The following KYAT1 variants were observed in gnomAD, a reference collection of about 807,000 sequenced individuals.
KYAT1 encodes the protein kynurenine aminotransferase 1.
In KYAT1, 47 loss-of-function variants were observed where a neutral mutation model predicts 52.4. That is an observed-to-expected ratio of 0.90 (90% CI 0.71 to 1.14). The LOEUF (loss-of-function observed/expected upper bound fraction) is 1.14. Ranked by LOEUF, KYAT1 falls within the 50% of genes most tolerant of loss-of-function variation. The pLI is 0.00. For synonymous variants in KYAT1, 212 were observed against 209.6 expected (o/e 1.01, Z -0.10); for missense variants, 480 against 557.9 (o/e 0.86, Z 1.41).
rs979398154 is a variant in KYAT1, at chr9:128,847,117, C to T, written c.-6-1706G>A. Among the ~76,000 whole-genome samples, 7 of 152,274 alleles carry T rather than the reference C, an allele frequency of 4.6e-5. No homozygotes were observed. The South Asian group carries it at 1.0e-3, about 23-fold the overall frequency. ...GGGACCATTTGAGTAAGTGCCAGGT[C>T]TTCCATGGCCCAGGAACCCCACCGC... On this transcript the variant is annotated intron_variant, in intron 1 of 12. Coordinates refer to ENST00000302586, the MANE Select transcript of KYAT1 (RefSeq NM_004059.5).
At chr9:128,882,468 G>T (rs1425272856), upstream of KYAT1, 7 of 370,332 alleles carry the variant, frequency 1.9e-5, no homozygotes, top group Non-Finnish European at 3.4e-5. Context: ...TCCGCGGCGC[G>T]CGAGCCCCCT....
In KYAT1 at chr9:128,833,449, C is replaced by G; in HGVS notation, c.*135G>C. On this transcript the variant is annotated 3_prime_UTR_variant, in exon 13 of 13. Coordinates refer to ENST00000302586, the MANE Select transcript of KYAT1 (RefSeq NM_004059.5). ...AAGGGCGGCTCCCACCCAGAACATT[C>G]TGTGTCACGGAGAAGAGGTTTCCCA... The G allele has an allele frequency of 1.1e-6, 1 of 894,452 alleles. No individual in the cohort carries two copies. The highest frequency in any genetic ancestry group is 1.8e-6 in the Non-Finnish European group (1 of 565,574). 55.4% of individuals were successfully genotyped at this position (894,452 alleles called of 1,614,324 possible).
chr9:128,837,640 A>T, intron 6 of KYAT1, 45 bp downstream of exon 6: 1 of 1,611,334 alleles, frequency 6.2e-7, no homozygotes, highest in Non-Finnish European at 8.5e-7. Flanking sequence ...TGCAGGAGAC[A>T]TGACCAGGTC....
chr9:128,835,464 C>T lies in KYAT1; in HGVS notation c.1042+17G>A, dbSNP rs1466570557. On this transcript the variant is annotated intron_variant, in intron 10 of 12. Transcript: ENST00000302586. ...TCCAGCCCCTGCGCCCTGCCCAGAC[C>T]GGCAAGTCTCACTCACTGAAGTCTG... The T allele has an allele frequency of 8.7e-6, 14 of 1,613,764 alleles. No homozygotes were observed. The highest frequency in any genetic ancestry group is 4.5e-5 in the East Asian group (2 of 44,884).
At chr9:128,849,884 T>TTC (rs201852490) in intron 1 of KYAT1, among the ~76,000 whole-genome samples, 111 of 6,198 alleles carry the variant, frequency 0.018, no homozygotes, top group South Asian at 0.14. Flanking sequence ...TATTTTCTTC[T>TTC]TTTTTTTTTT....
At chr9:128,836,742 G>A (rs975666798) in intron 7 of KYAT1, 60 bp downstream of exon 7, 7 of 1,583,158 alleles carry the variant, frequency 4.4e-6, no homozygotes, top group Admixed American at 3.5e-5. Flanking sequence ...TGACTCTCAG[G>A]TGGGGTCAAG....
At chr9:128,879,688 CCTT>C (rs1838535436) in intron 1 of KYAT1, among the ~76,000 whole-genome samples, 1 of 152,218 alleles carries the variant, frequency 6.6e-6, no homozygotes, top group South Asian at 2.1e-4. Context: ...CATCATTTCT[CCTT>C]CTGGACATCC....
At chr9:128,843,248 G>A (rs1455691437) in intron 2 of KYAT1, among the ~76,000 whole-genome samples, 1 of 152,098 alleles carries the variant, frequency 6.6e-6, no homozygotes, top group African/African-American at 2.4e-5. Context: ...CAACTGTCCT[G>A]GCCTGAAGAT....
intron 3 of KYAT1, 114 bp from the exon 4 acceptor site, chr9:128,838,481 T>C: frequency 8.1e-7 from 1 of 1,235,900 alleles, no homozygotes; most frequent in Non-Finnish European, 1.2e-6. Flanking sequence ...CAAAGTCAGG[T>C]ACTGGTAGCC....
At chr9:128,842,612 C>CA (rs761152934) in intron 3 of KYAT1, 42 bp downstream of exon 3, 23 of 1,597,846 alleles carry the variant, frequency 1.4e-5, no homozygotes, top group Middle Eastern at 3.3e-4. Flanking sequence ...AGCCCTGTCC[C>CA]CTTCCTCCCC....
intron 1 of KYAT1, among the ~76,000 whole-genome samples, chr9:128,875,086 CTTTAGAACCACTTTCCTCA>C (rs1188980019): frequency 6.6e-6 from 1 of 152,012 alleles, no homozygotes; most frequent in Non-Finnish European, 1.5e-5. Context: ...TTATCTTTTT[CTTTAGAACCACTTTCCTCA>C]TTTATGTTGA....
Position 128,833,619 on chromosome 9 carries a change from C to T in KYAT1, c.1234G>A (p.Asp412Asn). ...VKDEATLQAM[D>N]EKLRKWKVEL Reference sequence around the variant, plus strand: ...ACCTTCCACTTCCGCAGCTTCTCGTCCATGGCCTGGAGCGTGGCTTCATCC... The same window carrying T: ...ACCTTCCACTTCCGCAGCTTCTCGTTCATGGCCTGGAGCGTGGCTTCATCC... The change falls in exon 13 of 13, where the codon GAC (aspartate) becomes AAC (asparagine). Residue 412 changes from aspartate (D) to asparagine (N), a missense_variant. Asp to Asn is a conservative substitution (Grantham distance 23, BLOSUM62 1). Transcript: ENST00000302586. The T allele has an allele frequency of 6.2e-7, 1 of 1,614,234 alleles. No homozygotes were observed. Among genetic ancestry groups the T allele is most frequent in the Non-Finnish European group, 8.5e-7 (1 of 1,180,038 alleles).
At chr9:128,877,720 C>G in intron 1 of KYAT1, among the ~76,000 whole-genome samples, 1 of 152,268 alleles carries the variant, frequency 6.6e-6, no homozygotes, top group East Asian at 1.9e-4. Flanking sequence ...TTATGACATT[C>G]GGTTTTGGAG....
chr9:128,842,574 G>T, intron 3 of KYAT1, 80 bp downstream of exon 3: 1 of 1,425,654 alleles, frequency 7.0e-7, no homozygotes, highest in Non-Finnish European at 9.7e-7. Flanking sequence ...CCTGAAGCCT[G>T]ACAGCTGTGT....
At chr9:128,857,035 C>T (rs901058401) in intron 1 of KYAT1, among the ~76,000 whole-genome samples, 7 of 152,242 alleles carry the variant, frequency 4.6e-5, no homozygotes, top group South Asian at 2.1e-4. Context: ...GGAGAAAAAC[C>T]GCCCTATGGC....
chr9:128,872,918 C>CA (rs1258356851), intron 1 of KYAT1, among the ~76,000 whole-genome samples: 1 of 148,696 alleles, frequency 6.7e-6, no homozygotes, highest in Non-Finnish European at 1.5e-5. Flanking sequence ...ACTGAAAATA[C>CA]AAAAAAAATT....
chr9:128,841,609 T>A (rs1401873347), intron 3 of KYAT1, among the ~76,000 whole-genome samples: 1 of 146,822 alleles, frequency 6.8e-6, no homozygotes, highest in East Asian at 2.0e-4. Flanking sequence ...GGCAGGAGAA[T>A]CTCTTGAACC....
intron 1 of KYAT1, among the ~76,000 whole-genome samples, chr9:128,857,904 T>C (rs1834887187): frequency 6.6e-6 from 1 of 151,756 alleles, no homozygotes; most frequent in South Asian, 2.1e-4. Context: ...GAAGAAAACA[T>C]AGGAATAAAT....
chr9:128,843,093 G>A (rs1365815043), intron 2 of KYAT1, among the ~76,000 whole-genome samples: 3 of 152,036 alleles, frequency 2.0e-5, no homozygotes, highest in Admixed American at 6.6e-5. Context: ...CTTGAACCCG[G>A]GAACCGGAGG....
Sources: allele counts gnomAD v4.1 joint callset (sites outside exome capture counted in the v4.1 genomes callset), GRCh38; gene constraint gnomAD v4.1.1; transcripts MANE v1.5; gene names NCBI Gene and HGNC (gene_info 2026-07-23, HGNC 2026-07-21).